ZNF638: variants seen among roughly 807,000 people sequenced by gnomAD.
ZNF638 encodes the protein CTCL tumor antigen se33-1.
ZNF638 carries 46 observed loss-of-function variants against 195.6 expected under a neutral mutation model. The observed-to-expected ratio is 0.24, with a 90% CI of 0.19 to 0.30. ZNF638 has a LOEUF of 0.30. Among genes scored for constraint, ZNF638 ranks in the 10% least tolerant of loss-of-function variants. The probability of loss-of-function intolerance (pLI) is 1.00; values close to 1 mark genes in which losing one functional copy is unlikely to be tolerated. For missense variants in ZNF638, 2,440 were observed against 2,325.3 expected, an observed-to-expected ratio of 1.05 and a Z score of -1.01; for synonymous variants, 845 against 772.0, an observed-to-expected ratio of 1.09 and a Z score of -1.57.
intron 10 of ZNF638, among the ~76,000 whole-genome samples, chr2:71,389,549 T>A (rs1423233650): frequency 2.0e-5 from 3 of 152,088 alleles, no homozygotes; most frequent in Non-Finnish European, 2.9e-5. Context: ...CAGAATCAAT[T>A]GGCCGGGCAA....
intron 8 of ZNF638, among the ~76,000 whole-genome samples, chr2:71,374,592 G>A (rs2079384496): frequency 6.6e-6 from 1 of 152,134 alleles, no homozygotes; most frequent in Non-Finnish European, 1.5e-5. Flanking sequence ...TTGAATTCGT[G>A]ATAGTATTTT....
At chr2:71,365,323 G>C in intron 5 of ZNF638, 106 bp from the exon 6 acceptor site, 1 of 905,390 alleles carries the variant, frequency 1.1e-6, no homozygotes, top group Non-Finnish European at 1.6e-6. Flanking sequence ...TGTATTGTCT[G>C]TGTGCTCCCT....
At position 71,408,553 on chromosome 2, in the gene ZNF638, T is replaced by G; in HGVS notation, c.3261+306T>G. ...GATTGTCTCCAGAATGCAGCTACTT[T>G]GAATCCATTTTGGCTTCCTCTGGGT... On this transcript the variant is annotated intron_variant, in intron 20 of 27. Coordinates refer to ENST00000264447, the MANE Select transcript of ZNF638 (RefSeq NM_014497.5). 9.7e-6 allele frequency: 3 copies of G among 308,240 alleles called. No homozygotes were observed. The South Asian group carries it at 1.0e-4, about 10-fold the overall frequency. The allele number at this position is 308,240 out of a possible 1,614,324, so 19.1% of individuals were successfully genotyped here. A position where few individuals can be genotyped will look rare whatever the true frequency, so the allele number is the denominator to read the frequency against.
At chr2:71,430,997 C>G (rs899149975) in intron 25 of ZNF638, 1 of 170,858 alleles carries the variant, frequency 5.9e-6, no homozygotes, top group Non-Finnish European at 1.3e-5. Context: ...CCCTTAATCT[C>G]CACTCTCGGC....
chr2:71,394,484 C>T (rs1385162360), intron 10 of ZNF638, among the ~76,000 whole-genome samples: 1 of 152,178 alleles, frequency 6.6e-6, no homozygotes, highest in Non-Finnish European at 1.5e-5. Context: ...CACCTCAAAA[C>T]TCCATGTTTG....
chr2:71,362,953 G>C (rs1472890907), intron 3 of ZNF638, among the ~76,000 whole-genome samples, 200 bp from the exon 4 acceptor site: 3 of 151,948 alleles, frequency 2.0e-5, no homozygotes, highest in African/African-American at 7.3e-5. Context: ...TGAAAGTTTA[G>C]GCCTTTAAAG....
chr2:71,419,703 C>T (rs1276881855), intron 21 of ZNF638, among the ~76,000 whole-genome samples: 1 of 151,986 alleles, frequency 6.6e-6, no homozygotes, highest in African/African-American at 2.4e-5. Flanking sequence ...AATAACAGTG[C>T]CTATGTAGTA....
At chr2:71,398,564 T>C in intron 11 of ZNF638, 137 bp from the exon 12 acceptor site, 1 of 714,598 alleles carries the variant, frequency 1.4e-6, no homozygotes, top group Non-Finnish European at 2.4e-6. Context: ...ATGGCCTATG[T>C]CCCCAAAGAT....
intron 1 of ZNF638, among the ~76,000 whole-genome samples, chr2:71,344,282 A>G (rs1341291009): frequency 6.6e-6 from 1 of 152,146 alleles, no homozygotes; most frequent in East Asian, 1.9e-4. Context: ...CCTTTTTCTG[A>G]GGGAGATACG....
chr2:71,385,151 G>GT (rs1185055718), intron 10 of ZNF638, among the ~76,000 whole-genome samples: 1 of 152,192 alleles, frequency 6.6e-6, no homozygotes, highest in African/African-American at 2.4e-5. Context: ...ATGCTGATGA[G>GT]TATGTAGAGA....
At chr2:71,337,339 T>G (rs1410772148) in intron 1 of ZNF638, among the ~76,000 whole-genome samples, 1 of 152,192 alleles carries the variant, frequency 6.6e-6, no homozygotes, top group Non-Finnish European at 1.5e-5. Context: ...CTCTAAATAC[T>G]TCAGTGTGTA....
intron 26 of ZNF638, 57 bp downstream of exon 26, chr2:71,431,485 C>T (rs1174873271): frequency 1.8e-5 from 27 of 1,499,086 alleles, no homozygotes; most frequent in South Asian, 4.6e-5. Flanking sequence ...GTCGGCCGGG[C>T]GCGGTGGCTC....
At chr2:71,410,378 T>TGTG (rs1553484356) in intron 20 of ZNF638, among the ~76,000 whole-genome samples, 4,552 of 151,260 alleles carry the variant, frequency 0.03, 235 homozygotes, top group Admixed American at 0.15. Context: ...GATTTTTTTT[T>TGTG]TGTGTGTGTG....
chr2:71,410,583 A>G (rs1450674878), intron 20 of ZNF638, among the ~76,000 whole-genome samples: 2 of 152,156 alleles, frequency 1.3e-5, no homozygotes, highest in Non-Finnish European at 2.9e-5. Flanking sequence ...CATGATGAAC[A>G]TTGTTTCAAT....
intron 10 of ZNF638, chr2:71,395,353 G>A: frequency 1.4e-6 from 1 of 712,580 alleles, no homozygotes. Context: ...ACAAAAGGGG[G>A]AGATGTAGGA....
chr2:71,333,339 A>T (rs1222239282), intron 1 of ZNF638, among the ~76,000 whole-genome samples: 2 of 152,332 alleles, frequency 1.3e-5, no homozygotes, highest in East Asian at 3.9e-4. Context: ...TCTTGGAACC[A>T]AGAAAGGGTA....
At chr2:71,400,421 TA>T in intron 14 of ZNF638, 56 bp from the exon 15 acceptor site, 1 of 1,521,358 alleles carries the variant, frequency 6.6e-7, no homozygotes, top group Non-Finnish European at 8.9e-7. Context: ...TATTGTGGAA[TA>T]AAGTAGGATC....
chr2:71,424,821 T>A, intron 23 of ZNF638, 106 bp downstream of exon 23: 1 of 830,404 alleles, frequency 1.2e-6, no homozygotes, highest in Non-Finnish European at 1.9e-6. Flanking sequence ...ACTAAGAGTT[T>A]AGAGCAAGGG....
chr2:71,389,270 AG>A (rs2079718315), intron 10 of ZNF638, among the ~76,000 whole-genome samples: 1 of 152,204 alleles, frequency 6.6e-6, no homozygotes, highest in African/African-American at 2.4e-5. Flanking sequence ...TGGCATTAGA[AG>A]GGGAGCTCTT....
Sources: allele counts gnomAD v4.1 joint callset (sites outside exome capture counted in the v4.1 genomes callset), GRCh38; gene constraint gnomAD v4.1.1; transcripts MANE v1.5; gene names NCBI Gene and HGNC (gene_info 2026-07-23, HGNC 2026-07-21).